Variants in ADGRE2 observed in about 807,000 individuals in gnomAD.
ADGRE2 encodes CD97 antigen.
ADGRE2 carries 83 observed loss-of-function variants against 100.8 expected under a neutral mutation model. That is an observed-to-expected ratio of 0.82 (90% CI 0.69 to 0.99). ADGRE2 has a LOEUF of 0.99. Ranked by LOEUF, ADGRE2 falls within the 50% of genes least tolerant of loss-of-function variation. The pLI, the probability that ADGRE2 is intolerant of heterozygous loss-of-function variation, is 0.00. For synonymous variants in ADGRE2, 355 were observed against 413.0 expected, an observed-to-expected ratio of 0.86 and a Z score of 1.70; for missense variants, 814 against 1,035.7, an observed-to-expected ratio of 0.79 and a Z score of 2.94.
chr19:14,767,520 T>G (rs573892386), intron 5 of ADGRE2, among the ~76,000 whole-genome samples: 1 of 152,272 alleles, frequency 6.6e-6, no homozygotes, highest in South Asian at 2.1e-4. Flanking sequence ...ATTGCAGGCA[T>G]GAGCCACCAT....
rs530650580 is a variant in ADGRE2, at chr19:14,770,721, C to T, written c.355+1621G>A. ...TTGAGACAAAGTCTTGCTCTGTCAC[C>T]CAGGCTGGAGTGCAATATTGAGATC... On this transcript the variant is annotated intron_variant, in intron 5 of 20. Transcript: ENST00000315576. 2.7e-3 allele frequency among the ~76,000 whole-genome samples: 338 copies of T among 126,418 alleles called. 2 individuals are homozygous for T. The highest frequency in any genetic ancestry group is 0.01 in the African/African-American group (325 of 31,352). The allele number at this position is 126,418 out of a possible 152,430, so 82.9% of individuals were successfully genotyped here. A position where few individuals can be genotyped will look rare whatever the true frequency, so the allele number is the denominator to read the frequency against.
chr19:14,745,128 G>C (rs929460418), intron 18 of ADGRE2, among the ~76,000 whole-genome samples: 1 of 151,634 alleles, frequency 6.6e-6, no homozygotes, highest in Non-Finnish European at 1.5e-5. Flanking sequence ...GGCTGGTCTC[G>C]AACTCCTGAC....
At chr19:14,730,721 T>C (rs1451624760), downstream of ADGRE2, among the ~76,000 whole-genome samples, 1 of 152,124 alleles carries the variant, frequency 6.6e-6, no homozygotes, top group Non-Finnish European at 1.5e-5. Context: ...CAAGAGTATA[T>C]TGCATGATGC....
intron 6 of ADGRE2, 23 bp downstream of exon 6, chr19:14,766,955 C>T (rs2044006104): frequency 6.5e-7 from 1 of 1,545,086 alleles, no homozygotes; most frequent in Admixed American, 1.9e-5. Context: ...TCCAGCCTCA[C>T]AGCGTCTTCC....
chr19:14,729,475 C>T (rs2042654490), downstream of ADGRE2, among the ~76,000 whole-genome samples: 1 of 152,104 alleles, frequency 6.6e-6, no homozygotes, highest in Admixed American at 6.6e-5. Context: ...CCTTCCTCCT[C>T]AGCCTCCAGA....
intron 11 of ADGRE2, among the ~76,000 whole-genome samples, chr19:14,760,855 G>C (rs912279669): frequency 3.3e-5 from 5 of 152,132 alleles, no homozygotes; most frequent in Admixed American, 3.3e-4. Flanking sequence ...TATTCTCTCT[G>C]AAGCCTGATA....
intron 15 of ADGRE2, among the ~76,000 whole-genome samples, 199 bp from the exon 16 acceptor site, chr19:14,751,870 T>C (rs1226445653): frequency 6.7e-6 from 1 of 150,214 alleles, no homozygotes; most frequent in Non-Finnish European, 1.5e-5. Context: ...GGCCTATATA[T>C]ATATACGTGT....
chr19:14,763,946 G>T, intron 11 of ADGRE2, among the ~76,000 whole-genome samples: 3 of 109,450 alleles, frequency 2.7e-5, no homozygotes, highest in African/African-American at 3.6e-5. Flanking sequence ...CTCTCCTCCT[G>T]TCCTCCTCCT....
chr19:14,760,137 G>T (rs1443461569), intron 11 of ADGRE2, among the ~76,000 whole-genome samples: 1 of 151,978 alleles, frequency 6.6e-6, no homozygotes, highest in Non-Finnish European at 1.5e-5. Flanking sequence ...TTGTTTGACA[G>T]CAGAGCAGAG....
chr19:14,750,799 T>C (rs1184927388), intron 16 of ADGRE2, among the ~76,000 whole-genome samples: 1 of 152,172 alleles, frequency 6.6e-6, no homozygotes, highest in Non-Finnish European at 1.5e-5. Flanking sequence ...CAGATTTAAA[T>C]GCATTATCCC....
intron 16 of ADGRE2, among the ~76,000 whole-genome samples, chr19:14,750,789 C>G (rs7248238): frequency 0.38 from 58,240 of 151,946 alleles, 12,742 homozygotes; most frequent in African/African-American, 0.59. Flanking sequence ...TTCAGTGAGA[C>G]AGATTTAAAT....
chr19:14,749,852 G>GTAAT lies in ADGRE2; in HGVS notation c.2024+1583_2024+1584insATTA, dbSNP rs772046286. On this transcript the variant is annotated intron_variant, in intron 16 of 20. Transcript: ENST00000315576. ...ACATAATTATTTATAGCTATGTTAT[G>GTAAT]TATTCATAGTTACATAATTATTTAT... 8.1e-3 allele frequency among the ~76,000 whole-genome samples: 377 copies of GTAAT among 46,616 alleles called. 173 individuals carry two copies. The highest frequency in any genetic ancestry group is 0.011 in the East Asian group (16 of 1,416). The allele number at this position is 46,616 out of a possible 152,430, so 30.6% of individuals were successfully genotyped here.
intron 20 of ADGRE2, 22 bp downstream of exon 20, chr19:14,743,398 C>A: frequency 6.2e-7 from 1 of 1,603,102 alleles, no homozygotes; most frequent in Non-Finnish European, 8.5e-7. Flanking sequence ...GTGAAGTGCT[C>A]TGGAGCAATG....
chr19:14,746,375 CTTTTT>C (rs34368264), intron 17 of ADGRE2, 52 bp from the exon 18 acceptor site: 12 of 777,932 alleles, frequency 1.5e-5, no homozygotes, highest in Admixed American at 7.0e-5. Context: ...CCTGTTATCT[CTTTTT>C]TTTTTTTTTT....
rs764988993 is a variant in ADGRE2 at position 14,753,560 on chromosome 19, G to A, written c.1591-1034C>T. On this transcript the variant is annotated intron_variant, in intron 14 of 20. Coordinates refer to ENST00000315576, the MANE Select transcript of ADGRE2 (RefSeq NM_013447.4). ...TGTAATACCAGCACTTTGGGAGGCC[G>A]AGGCGGGTGGATTACTTGAGGTAAG... Among the ~76,000 whole-genome samples, 10 of 152,204 alleles carry A rather than the reference G, an allele frequency of 6.6e-5. 1 individual carries two copies. The South Asian group carries it at 1.5e-3, about 22-fold the overall frequency.
the ADGRE2 span, among the ~76,000 whole-genome samples, chr19:14,725,288 C>G: frequency 6.6e-6 from 1 of 152,168 alleles, no homozygotes; most frequent in East Asian, 1.9e-4. Context: ...CCGAATACGT[C>G]CCACCAGTCC....
intron 11 of ADGRE2, among the ~76,000 whole-genome samples, chr19:14,758,057 C>T (rs1382779876): frequency 2.0e-5 from 3 of 152,184 alleles, no homozygotes; most frequent in Admixed American, 2.0e-4. Flanking sequence ...GTGATCCGCC[C>T]ACATTGGCCT....
chr19:14,741,852 TTA>T (rs771277568), intron 20 of ADGRE2: 5 of 393,848 alleles, frequency 1.3e-5, no homozygotes, highest in Non-Finnish European at 2.2e-5. Flanking sequence ...GGGGTTAGAA[TTA>T]CACATATAAT....
Position 14,764,619 on chromosome 19 carries a change from A to T in ADGRE2, c.907-9T>A. 1 of 1,607,760 alleles carries T rather than the reference A, an allele frequency of 6.2e-7. No homozygotes were observed. The highest frequency in any genetic ancestry group is 2.2e-5 in the East Asian group (1 of 44,842). ...AGCGCCTGTAAGATGCTCTGGAGGGATGTGGACACAGACCTAGTGAGCCAT... is the reference window on the plus strand; with the variant it reads ...AGCGCCTGTAAGATGCTCTGGAGGGTTGTGGACACAGACCTAGTGAGCCAT... On this transcript the variant is annotated splice_polypyrimidine_tract_variant and intron_variant, in intron 10 of 20. Coordinates refer to ENST00000315576, the MANE Select transcript of ADGRE2 (RefSeq NM_013447.4).
Sources: allele counts gnomAD v4.1 joint callset (sites outside exome capture counted in the v4.1 genomes callset), GRCh38; gene constraint gnomAD v4.1.1; transcripts MANE v1.5; gene names NCBI Gene and HGNC (gene_info 2026-07-23, HGNC 2026-07-21).